Variants in CSGALNACT1 observed in about 807,000 individuals in gnomAD.
The protein encoded by CSGALNACT1 is chondroitin sulfate N-acetylgalactosaminyltransferase 1, also known as beta4GalNAcT-1.
CSGALNACT1 carries 52 observed loss-of-function variants against 51.0 expected under a neutral mutation model. The ratio of observed to expected loss-of-function variants is 1.02; its 90% CI spans 0.82 to 1.29. The LOEUF is 1.29. Ranked by LOEUF, CSGALNACT1 falls within the 50% of genes most tolerant of loss-of-function variation. The pLI is 0.00. For missense variants in CSGALNACT1, 935 were observed against 679.2 expected (o/e 1.38, Z -4.19); for synonymous variants, 341 against 254.4 (o/e 1.34, Z -3.24).
intron 3 of CSGALNACT1, among the ~76,000 whole-genome samples, chr8:19,541,599 C>T (rs923788038): frequency 6.2e-5 from 7 of 113,114 alleles, no homozygotes; most frequent in Middle Eastern, 5.7e-3. Context: ...AGGAATTCAC[C>T]ACATTGGCCA....
At chr8:19,697,149 G>A (rs1370807833) in intron 1 of CSGALNACT1, among the ~76,000 whole-genome samples, 1 of 152,128 alleles carries the variant, frequency 6.6e-6, no homozygotes. Context: ...GCCAGAAAGA[G>A]GCAAGGATGG....
At chr8:19,522,000 G>T in intron 3 of CSGALNACT1, among the ~76,000 whole-genome samples, 1 of 152,182 alleles carries the variant, frequency 6.6e-6, no homozygotes, top group East Asian at 1.9e-4. Flanking sequence ...AGTCAATGCA[G>T]TGGTTGACAT....
intron 1 of CSGALNACT1, among the ~76,000 whole-genome samples, chr8:19,654,754 C>T (rs1030188817): frequency 6.6e-5 from 10 of 151,852 alleles, no homozygotes; most frequent in South Asian, 2.1e-4. Context: ...TATGTTGCCC[C>T]GGCTAGTCTT....
chr8:19,479,387 C>A (rs1405969883), intron 4 of CSGALNACT1, among the ~76,000 whole-genome samples: 1 of 152,216 alleles, frequency 6.6e-6, no homozygotes, highest in African/African-American at 2.4e-5. Flanking sequence ...CCAGGATTCT[C>A]AAAGAGCCAT....
At position 19,425,276 on chromosome 8, in the gene CSGALNACT1, G is replaced by C. The variant is rs557886823; in HGVS notation, c.954-4758C>G. Among the ~76,000 whole-genome samples, 5 of 152,304 alleles carry C rather than the reference G, an allele frequency of 3.3e-5. No homozygotes were observed. The East Asian group carries it at 9.7e-4, about 29-fold the overall frequency. On this transcript the variant is annotated intron_variant, in intron 6 of 9. Coordinates refer to ENST00000454498, the Ensembl canonical transcript of CSGALNACT1. ...GAATCGCTTGAATCTGGGAAATGGA[G>C]GTTGCTGTGAGCCGAGATCGTGCCA...
At chr8:19,479,253 G>A (rs923785053) in intron 4 of CSGALNACT1, among the ~76,000 whole-genome samples, 2 of 152,112 alleles carry the variant, frequency 1.3e-5, no homozygotes, top group East Asian at 1.9e-4. Context: ...TGTCACCAAC[G>A]CAGACTAAAA....
intron 1 of CSGALNACT1, among the ~76,000 whole-genome samples, chr8:19,677,176 T>C (rs1178346900): frequency 6.6e-6 from 1 of 151,948 alleles, no homozygotes; most frequent in Non-Finnish European, 1.5e-5. Context: ...TCTTATAATC[T>C]CTACTCACTG....
intron 1 of CSGALNACT1, among the ~76,000 whole-genome samples, chr8:19,709,881 T>C (rs1425640411): frequency 6.6e-6 from 1 of 152,090 alleles, no homozygotes; most frequent in African/African-American, 2.4e-5. Flanking sequence ...TGGGACTGAG[T>C]GCCTTCCACT....
At chr8:19,625,356 C>T (rs78021557) in intron 1 of CSGALNACT1, among the ~76,000 whole-genome samples, 3,658 of 152,268 alleles carry the variant, frequency 0.024, 162 homozygotes, top group African/African-American at 0.083. Context: ...AGTAAGAAAA[C>T]GTAAAACAAA....
At chr8:19,494,448 A>G (rs556454747) in intron 4 of CSGALNACT1, among the ~76,000 whole-genome samples, 31 of 152,214 alleles carry the variant, frequency 2.0e-4, no homozygotes, top group African/African-American at 7.5e-4. Flanking sequence ...TTAATACATG[A>G]CCCTGTGCTG....
At chr8:19,754,697 C>T (rs143666003) in intron 1 of CSGALNACT1, among the ~76,000 whole-genome samples, 214 of 152,280 alleles carry the variant, frequency 1.4e-3, no homozygotes, top group Non-Finnish European at 2.5e-3. Flanking sequence ...CACAAGGTTG[C>T]CCTTTTCTAA....
chr8:19,654,369 C>T (rs1345945110), intron 1 of CSGALNACT1, among the ~76,000 whole-genome samples: 1 of 152,162 alleles, frequency 6.6e-6, no homozygotes, highest in Non-Finnish European at 1.5e-5. Flanking sequence ...CAAATCCTAC[C>T]ATTAAGTCTG....
intron 1 of CSGALNACT1, among the ~76,000 whole-genome samples, chr8:19,659,195 T>A (rs1468507375): frequency 6.6e-6 from 1 of 152,220 alleles, no homozygotes; most frequent in East Asian, 1.9e-4. Context: ...GTATCTCACA[T>A]AAGCTCAGTA....
At chr8:19,593,295 A>C (rs1033585418) in intron 2 of CSGALNACT1, among the ~76,000 whole-genome samples, 1 of 152,270 alleles carries the variant, frequency 6.6e-6, no homozygotes, top group African/African-American at 2.4e-5. Context: ...GTGCAGGAAC[A>C]GTGAAAAGAA....
At chr8:19,514,671 A>AG (rs969084101) in intron 3 of CSGALNACT1, among the ~76,000 whole-genome samples, 1 of 148,854 alleles carries the variant, frequency 6.7e-6, no homozygotes, top group African/African-American at 2.5e-5. Context: ...AAAAAAAAAA[A>AG]TACAGAAGAG....
At chr8:19,516,045 T>C (rs1034942103) in intron 3 of CSGALNACT1, among the ~76,000 whole-genome samples, 16 of 152,114 alleles carry the variant, frequency 1.1e-4, no homozygotes, top group Non-Finnish European at 2.1e-4. Context: ...TCCCGGAGTC[T>C]TTTGGGGCTC....
intron 1 of CSGALNACT1, among the ~76,000 whole-genome samples, chr8:19,625,306 A>G (rs1293623791): frequency 1.3e-5 from 2 of 152,258 alleles, no homozygotes; most frequent in African/African-American, 4.8e-5. Context: ...TTGGGGTACC[A>G]AGTTTAATGC....
chr8:19,576,154 G>A (rs2044157939), intron 3 of CSGALNACT1, among the ~76,000 whole-genome samples: 1 of 152,054 alleles, frequency 6.6e-6, no homozygotes, highest in East Asian at 1.9e-4. Flanking sequence ...GTTTCCCTCA[G>A]TAGTGAGCAG....
At chr8:19,719,508 A>C (rs1364484870) in intron 1 of CSGALNACT1, among the ~76,000 whole-genome samples, 3 of 152,178 alleles carry the variant, frequency 2.0e-5, no homozygotes, top group Non-Finnish European at 4.4e-5. Context: ...TGATGTAGGA[A>C]TCTCCCATCG....
Sources: gnomAD v4.1 joint callset for allele counts (sites outside exome capture counted in the v4.1 genomes callset) on GRCh38, gnomAD v4.1.1 for gene constraint, MANE v1.5 for transcripts, NCBI Gene and HGNC (gene_info 2026-07-23, HGNC 2026-07-21) for gene names.